Variants in TYW1B observed in about 807,000 individuals in gnomAD.
TYW1B encodes tRNA-yW synthesizing protein 1 homolog B, also known as S-adenosyl-L-methionine-dependent tRNA 4-demethylwyosine synthase TYW1B.
TYW1B carries 73 observed loss-of-function variants against 86.9 expected under a neutral mutation model. That is an observed-to-expected ratio of 0.84 (90% CI 0.70 to 1.02). TYW1B has a LOEUF of 1.02. TYW1B is among the 50% of genes least tolerant of loss of function. TYW1B has a pLI of 0.00. For missense variants in TYW1B, 637 were observed against 827.4 expected (o/e 0.77, Z 2.82); for synonymous variants, 248 against 292.8 (o/e 0.85, Z 1.56).
At chr7:72,777,356 G>A in intron 7 of TYW1B, 60 bp downstream of exon 7, 2 of 1,575,890 alleles carry the variant, frequency 1.3e-6, no homozygotes, top group South Asian at 1.1e-5. Flanking sequence ...TTCATTCTAG[G>A]TATCAAATGA....
chr7:72,655,159 G>A (rs183740232), intron 11 of TYW1B, among the ~76,000 whole-genome samples: 52 of 152,198 alleles, frequency 3.4e-4, no homozygotes, highest in Non-Finnish European at 6.9e-4. Flanking sequence ...GAGACAATAT[G>A]GGATTTTTGG....
intron 2 of TYW1B, among the ~76,000 whole-genome samples, chr7:72,824,765 A>G (rs1788898260): frequency 6.6e-6 from 1 of 152,018 alleles, no homozygotes; most frequent in Non-Finnish European, 1.5e-5. Flanking sequence ...TTTTTTTTAA[A>G]TAGCTGTGAC....
At position 72,591,444 on chromosome 7, in the gene TYW1B, G is replaced by A. The variant is rs189961842; in HGVS notation, c.1786-15725C>T. ...ACAGAGAATCTTGAAAGCAGCAAGA[G>A]AGCAGTGACTTGTCACACATACAGG... On this transcript the variant is annotated intron_variant, in intron 13 of 13. Transcript: ENST00000620995. 3.7e-3 allele frequency among the ~76,000 whole-genome samples: 559 copies of A among 152,252 alleles called. 5 individuals carry two copies. The highest frequency in any genetic ancestry group is 6.2e-3 in the Non-Finnish European group (420 of 68,022).
chr7:72,763,666 A>G (rs1317412997), intron 7 of TYW1B, among the ~76,000 whole-genome samples: 2 of 152,222 alleles, frequency 1.3e-5, no homozygotes, highest in African/African-American at 4.8e-5. Context: ...AGTAACTACT[A>G]TTTATGAGTG....
At chr7:72,762,117 A>G (rs1554467294) in intron 7 of TYW1B, among the ~76,000 whole-genome samples, 1 of 152,182 alleles carries the variant, frequency 6.6e-6, no homozygotes. Flanking sequence ...TTTTAATAAA[A>G]TTGCAAGAGG....
intron 11 of TYW1B, among the ~76,000 whole-genome samples, chr7:72,629,680 G>A (rs1812436563): frequency 1.3e-5 from 2 of 152,048 alleles, no homozygotes; most frequent in Admixed American, 1.3e-4. Flanking sequence ...CCAAGTAGCT[G>A]GGACTACAGG....
intron 8 of TYW1B, among the ~76,000 whole-genome samples, chr7:72,733,846 A>G (rs1787155110): frequency 6.6e-6 from 1 of 152,160 alleles, no homozygotes; most frequent in Non-Finnish European, 1.5e-5. Flanking sequence ...CACCAAAGAC[A>G]TTTTTCACAG....
At chr7:72,791,553 G>A (rs1438339808) in intron 6 of TYW1B, among the ~76,000 whole-genome samples, 6 of 152,118 alleles carry the variant, frequency 3.9e-5, no homozygotes, top group African/African-American at 1.4e-4. Flanking sequence ...CAAGGTGGGC[G>A]GATCATAAGA....
intron 7 of TYW1B, among the ~76,000 whole-genome samples, chr7:72,772,723 A>C: frequency 6.6e-6 from 1 of 152,186 alleles, no homozygotes. Context: ...AATAAGCCAC[A>C]ATTATCATGA....
chr7:72,714,694 G>T (rs1315678489), intron 9 of TYW1B, among the ~76,000 whole-genome samples: 1 of 152,170 alleles, frequency 6.6e-6, no homozygotes, highest in Non-Finnish European at 1.5e-5. Flanking sequence ...AAGGTGGGCA[G>T]ATCACTTGAG....
chr7:72,662,416 AATATATATATATAGATAGAT>A (rs1245336579), intron 11 of TYW1B, among the ~76,000 whole-genome samples: 1 of 137,846 alleles, frequency 7.3e-6, no homozygotes, highest in Non-Finnish European at 1.6e-5. Flanking sequence ...TCAGGTTTTT[AATATATATATATAGATAGAT>A]AGATAGATAG....
chr7:72,738,508 T>G (rs1434007777), intron 8 of TYW1B, among the ~76,000 whole-genome samples: 2 of 152,172 alleles, frequency 1.3e-5, no homozygotes, highest in Non-Finnish European at 2.9e-5. Context: ...AGATAATCCT[T>G]TGTTGCGGAG....
chr7:72,711,505 T>C (rs1406945760), intron 10 of TYW1B, among the ~76,000 whole-genome samples: 1 of 119,886 alleles, frequency 8.3e-6, no homozygotes, highest in East Asian at 2.6e-4. Flanking sequence ...TTTTTTGCTC[T>C]GTAGCCCAGG....
chr7:72,719,672 G>C (rs1786859486), intron 9 of TYW1B, among the ~76,000 whole-genome samples: 1 of 151,472 alleles, frequency 6.6e-6, no homozygotes, highest in Non-Finnish European at 1.5e-5. Flanking sequence ...TAGGCACGTG[G>C]AGAAGAAAAG....
chr7:72,621,819 C>G (rs1280807375), intron 12 of TYW1B, among the ~76,000 whole-genome samples: 1 of 152,240 alleles, frequency 6.6e-6, no homozygotes. Context: ...CAGGAGTTTT[C>G]TACTCTGTAA....
chr7:72,764,672 T>G (rs1279176617), intron 7 of TYW1B, among the ~76,000 whole-genome samples: 19 of 152,178 alleles, frequency 1.2e-4, no homozygotes, highest in African/African-American at 4.6e-4. Flanking sequence ...AAAAACTGAT[T>G]GGTGCATAAA....
chr7:72,670,831 C>A (rs554544752), intron 11 of TYW1B, among the ~76,000 whole-genome samples: 1 of 152,130 alleles, frequency 6.6e-6, no homozygotes, highest in Non-Finnish European at 1.5e-5. Context: ...CAAGTTGAGC[C>A]ATTACTAGTC....
At position 72,579,712 on chromosome 7, in the gene TYW1B, G is replaced by A. The variant is rs571870471; in HGVS notation, c.1786-3993C>T. On this transcript the variant is annotated intron_variant, in intron 13 of 13. Coordinates refer to ENST00000620995, the MANE Select transcript of TYW1B (RefSeq NM_001145440.3). ...GTCACCCAGGCTGGAGTGCAGTGGT[G>A]CAACTATTGCACATTGCAGCCTCAA... Among the ~76,000 whole-genome samples, 4 of 152,192 alleles carry A rather than the reference G, an allele frequency of 2.6e-5. No individual in the cohort carries two copies. The South Asian group carries it at 8.3e-4, about 32-fold the overall frequency.
chr7:72,596,638 G>T (rs1554432656), intron 13 of TYW1B, among the ~76,000 whole-genome samples: 21 of 152,056 alleles, frequency 1.4e-4, no homozygotes. Flanking sequence ...ACTCAAAATG[G>T]ATCAAAGACC....
Sources: gnomAD v4.1 joint callset for allele counts (sites outside exome capture counted in the v4.1 genomes callset) on GRCh38, gnomAD v4.1.1 for gene constraint, MANE v1.5 for transcripts, NCBI Gene and HGNC (gene_info 2026-07-23, HGNC 2026-07-21) for gene names.